Variants in WDR76 observed in about 807,000 individuals in gnomAD.
WDR76 encodes the protein WD repeat-containing protein 76.
WDR76 carries 52 observed loss-of-function variants against 70.2 expected under a neutral mutation model. That is an observed-to-expected ratio of 0.74 (90% CI 0.59 to 0.93). The LOEUF (loss-of-function observed/expected upper bound fraction) is 0.93, where lower values mean the gene tolerates loss of function less well. Among genes scored for constraint, WDR76 ranks in the 40% least tolerant of loss-of-function variants. The probability of loss-of-function intolerance (pLI) is 0.00; values close to 1 mark genes in which losing one functional copy is unlikely to be tolerated. For missense variants in WDR76, 756 were observed against 760.2 expected (o/e 0.99, Z 0.07); for synonymous variants, 292 against 271.1 (o/e 1.08, Z -0.76).
At position 43,836,144 on chromosome 15, in the gene WDR76, A is replaced by G; in HGVS notation, c.553-17A>G. On this transcript the variant is annotated splice_polypyrimidine_tract_variant and intron_variant, in intron 3 of 12. Coordinates refer to ENST00000263795, the MANE Select transcript of WDR76 (RefSeq NM_024908.4). ...TACGTAGTTATAACATTTTTACATG[A>G]TTTTTATACTTTACAGTCTGCTGCA... The G allele has an allele frequency of 6.3e-7, 1 of 1,597,916 alleles. No homozygotes were observed. The highest frequency in any genetic ancestry group is 1.7e-4 in the Middle Eastern group (1 of 5,970).
chr15:43,828,390 TTCTGGTTTC>T (rs1567180597), intron 2 of WDR76, 24 bp downstream of exon 2: 1 of 1,554,580 alleles, frequency 6.4e-7, no homozygotes, highest in Non-Finnish European at 8.7e-7. Flanking sequence ...TAGTAGCTTG[TTCTGGTTTC>T]TCTTTTTTGA....
rs1431974421 is a variant in WDR76 at position 43,866,685 on chromosome 15, A to G, written c.*293A>G. On this transcript the variant is annotated 3_prime_UTR_variant, in exon 13 of 13. Transcript: ENST00000263795. ...CTTGTTGCCCAGGCTGGAGTGCAAT[A>G]GCGCGATCTTGGCTCACCGCAACCT... The G allele has an allele frequency of 1.4e-5, 4 of 281,442 alleles. No homozygotes were observed. The highest frequency in any genetic ancestry group is 2.4e-5 in the African/African-American group (1 of 41,926). The allele number at this position is 281,442 out of a possible 1,614,324, so 17.4% of individuals were successfully genotyped here.
At chr15:43,838,962 A>G (rs1596070807) in intron 4 of WDR76, among the ~76,000 whole-genome samples, 1 of 152,298 alleles carries the variant, frequency 6.6e-6, no homozygotes, top group East Asian at 1.9e-4. Context: ...CTAATTCTCG[A>G]AGTAATGTGG....
In WDR76 at chr15:43,841,248, G is replaced by A. The variant is rs546780067; in HGVS notation, c.733-1167G>A. Among the ~76,000 whole-genome samples, 14 of 148,834 alleles carry A rather than the reference G, an allele frequency of 9.4e-5. No individual in the cohort carries two copies. In the South Asian group the frequency reaches 2.6e-3, roughly 27 times the overall value. ...GACGGAGTCTCAATCTGTTGCCCAG[G>A]CTGGAGTGCGGTGCTGTGATTTTGG... On this transcript the variant is annotated intron_variant, in intron 5 of 12. Transcript: ENST00000263795.
At chr15:43,838,024 C>T (rs962362018) in intron 4 of WDR76, among the ~76,000 whole-genome samples, 5 of 151,746 alleles carry the variant, frequency 3.3e-5, no homozygotes, top group Non-Finnish European at 7.4e-5. Context: ...TATAGGCGCC[C>T]GCCACCACGC....
In WDR76 at chr15:43,866,152, G is replaced by A. The variant is rs200505567; in HGVS notation, c.1641G>A (p.Trp547Ter). ...GGCACAACACTTTCACTGGGCGATG[G>A]CTGACCAGGTTCCAAGCCATGTGGG... ...TIRHNTFTGR[W>*]LTRFQAMWDP... Residue 547 changes from tryptophan to a stop codon, truncating the protein, a stop_gained, in exon 13 of 13, where the codon TGG becomes TGA. Coordinates refer to ENST00000263795, the MANE Select transcript of WDR76 (RefSeq NM_024908.4). LOFTEE classifies it high-confidence loss of function. The A allele has an allele frequency of 6.2e-7, 1 of 1,614,126 alleles. No homozygotes were observed. The highest frequency in any genetic ancestry group is 2.2e-5 in the East Asian group (1 of 44,888).
At chr15:43,845,784 A>G (rs2087780886) in intron 8 of WDR76, among the ~76,000 whole-genome samples, 1 of 150,466 alleles carries the variant, frequency 6.6e-6, no homozygotes, top group Admixed American at 6.6e-5. Flanking sequence ...AGAAAAGTCA[A>G]GTTAATGTTC....
intron 9 of WDR76, among the ~76,000 whole-genome samples, chr15:43,851,755 G>A (rs767438447): frequency 6.6e-6 from 1 of 152,084 alleles, no homozygotes; most frequent in Non-Finnish European, 1.5e-5. Flanking sequence ...GCAACATGGC[G>A]AGACCTTGTC....
At chr15:43,865,869 C>T (rs1403531381) in intron 12 of WDR76, among the ~76,000 whole-genome samples, 1 of 152,060 alleles carries the variant, frequency 6.6e-6, no homozygotes, top group Non-Finnish European at 1.5e-5. Flanking sequence ...AAGGGCAGTA[C>T]TTCTGTTTTT....
intron 9 of WDR76, among the ~76,000 whole-genome samples, chr15:43,854,992 A>C (rs139835683): frequency 6.6e-6 from 1 of 151,644 alleles, no homozygotes; most frequent in Non-Finnish European, 1.5e-5. Flanking sequence ...CCTCAAGATT[A>C]CGTCATGACC....
At position 43,842,629 on chromosome 15, in the gene WDR76, C is replaced by T; in HGVS notation, c.836C>T (p.Pro279Leu). The T allele has an allele frequency of 6.2e-7, 1 of 1,609,524 alleles. No homozygotes were observed. Among genetic ancestry groups the T allele is most frequent in the Non-Finnish European group, 8.5e-7 (1 of 1,178,624 alleles). Reference sequence around the variant, plus strand: ...CTTTCATCTCTCCCAATGTTTCAGCCAAGTAGTAAGAACACTGAGAAGGGA... The same window carrying T: ...CTTTCATCTCTCCCAATGTTTCAGCTAAGTAGTAAGAACACTGAGAAGGGA... ...FLHTWAGMSK[P>L]SSKNTEKGLS... Residue 279 changes from proline (P) to leucine (L), a missense_variant and splice_region_variant, in exon 7 of 13, where the codon CCA (proline) becomes CTA (leucine). By Grantham distance (98) the Pro-to-Leu change is moderately conservative. Coordinates refer to ENST00000263795, the MANE Select transcript of WDR76 (RefSeq NM_024908.4).
At chr15:43,858,326 C>T (rs1043941617) in intron 10 of WDR76, among the ~76,000 whole-genome samples, 1 of 151,494 alleles carries the variant, frequency 6.6e-6, no homozygotes, top group Admixed American at 6.6e-5. Flanking sequence ...GCGATCTCGG[C>T]TCACTGCAAC....
chr15:43,850,848 C>T (rs1299481391), intron 8 of WDR76, among the ~76,000 whole-genome samples: 1 of 152,072 alleles, frequency 6.6e-6, no homozygotes, highest in Non-Finnish European at 1.5e-5. Context: ...TTGTTAGTTA[C>T]AGAAAGCTGG....
At chr15:43,845,994 TAGG>T (rs367862222) in intron 8 of WDR76, among the ~76,000 whole-genome samples, 2 of 150,068 alleles carry the variant, frequency 1.3e-5, no homozygotes, top group East Asian at 3.9e-4. Flanking sequence ...TGAGTGGGGA[TAGG>T]AGGTGATAGG....
At chr15:43,857,463 AC>A (rs1329003978) in intron 10 of WDR76, 4 of 985,276 alleles carry the variant, frequency 4.1e-6, no homozygotes, top group Non-Finnish European at 4.8e-6. Flanking sequence ...AAAAAAAGTT[AC>A]ATGTGACCTA....
rs567596850 is a variant in WDR76, at chr15:43,841,209, T to G, written c.733-1206T>G. Among the ~76,000 whole-genome samples, 255 of 146,844 alleles carry G rather than the reference T, an allele frequency of 1.7e-3. 2 individuals carry two copies. The highest frequency in any genetic ancestry group is 0.01 in the Admixed American group (151 of 14,726). On this transcript the variant is annotated intron_variant, in intron 5 of 12. Coordinates refer to ENST00000263795, the MANE Select transcript of WDR76 (RefSeq NM_024908.4). ...CTAAGTTTTGTTTTTTTGTTTTTTTTTTTTTTTTTTTGAGACGGAGTCTCA... is the reference window on the plus strand; with the variant it reads ...CTAAGTTTTGTTTTTTTGTTTTTTTGTTTTTTTTTTTGAGACGGAGTCTCA...
chr15:43,841,968 C>CA (rs1351248787), intron 5 of WDR76, among the ~76,000 whole-genome samples: 1 of 151,932 alleles, frequency 6.6e-6, no homozygotes, highest in African/African-American at 2.4e-5. Context: ...CCTGGGTTCA[C>CA]ACGATTCTCC....
At position 43,866,621 on chromosome 15, in the gene WDR76, A is replaced by AT; in HGVS notation, c.*229_*230insT. The stretch of plus-strand genomic sequence containing the variant: ...GAGGGGAGGCTGAGGTGCCGTCAGG[A>AT]CTTTTTTTTTTTTTTTTTTTTTGAG... On this transcript the variant is annotated 3_prime_UTR_variant, in exon 13 of 13. Transcript: ENST00000263795. The AT allele has an allele frequency of 3.6e-6, 1 of 275,228 alleles. No individual in the cohort carries two copies. The allele number at this position is 275,228 out of a possible 1,614,324, so 17.0% of individuals were successfully genotyped here. A position where few individuals can be genotyped will look rare whatever the true frequency, so the allele number is the denominator to read the frequency against.
intron 11 of WDR76, among the ~76,000 whole-genome samples, chr15:43,859,469 A>C (rs2087970300): frequency 1.3e-5 from 2 of 152,238 alleles, no homozygotes; most frequent in African/African-American, 4.8e-5. Context: ...TTTTCAGTTT[A>C]TGAGAGTTTT....
Sources: allele counts gnomAD v4.1 joint callset (sites outside exome capture counted in the v4.1 genomes callset), GRCh38; gene constraint gnomAD v4.1.1; transcripts MANE v1.5; gene names NCBI Gene and HGNC (gene_info 2026-07-23, HGNC 2026-07-21).